The following RBM33 variants were observed in gnomAD, a reference collection of about 807,000 sequenced individuals.
RBM33 encodes RNA-binding protein 33.
In RBM33, 28 loss-of-function variants were observed where a neutral mutation model predicts 132.6. The ratio of observed to expected loss-of-function variants is 0.21; its 90% CI spans 0.16 to 0.29. The LOEUF (loss-of-function observed/expected upper bound fraction) is 0.29, where lower values mean the gene tolerates loss of function less well. Among genes scored for constraint, RBM33 ranks in the 10% least tolerant of loss-of-function variants. The probability of loss-of-function intolerance (pLI) is 1.00; values close to 1 mark genes in which losing one functional copy is unlikely to be tolerated. For synonymous variants in RBM33, 634 were observed against 593.0 expected (o/e 1.07, Z -1.01); for missense variants, 1,291 against 1,518.5 (o/e 0.85, Z 2.49).
intron 16 of RBM33, among the ~76,000 whole-genome samples, chr7:155,772,698 A>G (rs561339482): frequency 6.6e-6 from 1 of 152,242 alleles, no homozygotes; most frequent in African/African-American, 2.4e-5. Flanking sequence ...TGTTTCAGAA[A>G]AAAACAGACC....
intron 9 of RBM33, among the ~76,000 whole-genome samples, chr7:155,723,603 A>G (rs1255138430): frequency 6.6e-6 from 1 of 152,236 alleles, no homozygotes; most frequent in African/African-American, 2.4e-5. Context: ...ACACTATGGT[A>G]ACAGCTATTA....
chr7:155,742,195 A>T, intron 13 of RBM33, 89 bp downstream of exon 13: 1 of 1,239,726 alleles, frequency 8.1e-7, no homozygotes, highest in African/African-American at 1.5e-5. Flanking sequence ...TCACTAAGTT[A>T]TTCACAAAAT....
At position 155,741,870 on chromosome 7, in the gene RBM33, A is replaced by G. The variant is rs753297469; in HGVS notation, c.2101A>G (p.Thr701Ala). 5 of 1,614,058 alleles carry G rather than the reference A, an allele frequency of 3.1e-6. No homozygotes were observed. In the Admixed American group the frequency reaches 6.7e-5, roughly 22 times the overall value. The part of the protein sequence containing the change: ...SKRPMQQMQP[T>A]APRNSNLREL... ...GCGGCCCATGCAGCAAATGCAGCCC[A>G]CTGCGCCAAGGAACAGCAATTTGCG... The change falls in exon 13 of 18, where the codon ACT becomes GCT. Residue 701 changes from threonine to alanine, a missense_variant. By Grantham distance (58) the Thr-to-Ala change is moderately conservative. Coordinates refer to ENST00000401878, the MANE Select transcript of RBM33 (RefSeq NM_053043.3).
chr7:155,694,166 A>C (rs1382951616), intron 5 of RBM33, among the ~76,000 whole-genome samples: 2 of 152,190 alleles, frequency 1.3e-5, no homozygotes, highest in African/African-American at 4.8e-5. Context: ...AAAGCAATTA[A>C]TTAATTTTAA....
At chr7:155,650,417 A>G (rs1253032925) in intron 1 of RBM33, among the ~76,000 whole-genome samples, 1 of 152,216 alleles carries the variant, frequency 6.6e-6, no homozygotes, top group Non-Finnish European at 1.5e-5. Context: ...ATCTATTGAT[A>G]GATTTCCAGT....
chr7:155,650,521 C>G (rs528412141), intron 1 of RBM33, among the ~76,000 whole-genome samples: 95 of 151,806 alleles, frequency 6.3e-4, no homozygotes, highest in African/African-American at 2.2e-3. Flanking sequence ...GGATTTATCT[C>G]TGATCATAAG....
At chr7:155,686,819 T>G (rs1173537143) in intron 5 of RBM33, among the ~76,000 whole-genome samples, 1 of 152,236 alleles carries the variant, frequency 6.6e-6, no homozygotes, top group Non-Finnish European at 1.5e-5. Context: ...TCATCCTTTT[T>G]TATGGCTGCA....
intron 1 of RBM33, among the ~76,000 whole-genome samples, chr7:155,658,669 G>GAT (rs983400929): frequency 6.6e-6 from 1 of 152,164 alleles, no homozygotes; most frequent in African/African-American, 2.4e-5. Context: ...AAAGTGCTGG[G>GAT]ATTATAGGCG....
rs58449648 is a variant in RBM33, at chr7:155,759,415, C to CTTTTTT, written c.2980-4382_2980-4377dup. Among the ~76,000 whole-genome samples the CTTTTTT allele has an allele frequency of 3.3e-3, 374 of 113,964 alleles. 7 individuals are homozygous for CTTTTTT. The highest frequency in any genetic ancestry group is 0.014 in the Admixed American group (153 of 11,198). 74.8% of individuals were successfully genotyped at this position (113,964 alleles called of 152,430 possible). Reference sequence around the variant, plus strand: ...TATTTATTGACTCAATGTTTATGTTCTTTTTTTTTTTTTTTTTTTTGAGAT... The same window carrying CTTTTTT: ...TATTTATTGACTCAATGTTTATGTTCTTTTTTTTTTTTTTTTTTTTTTTTTTGAGAT... On this transcript the variant is annotated intron_variant, in intron 14 of 17. Transcript: ENST00000401878.
chr7:155,720,419 C>T (rs931276596), intron 9 of RBM33, among the ~76,000 whole-genome samples: 2 of 152,068 alleles, frequency 1.3e-5, no homozygotes, highest in African/African-American at 4.8e-5. Context: ...TTAAAAAGCC[C>T]ACCAGTCTTG....
chr7:155,763,386 G>A (rs1196085054), intron 14 of RBM33, among the ~76,000 whole-genome samples: 1 of 152,220 alleles, frequency 6.6e-6, no homozygotes, highest in Non-Finnish European at 1.5e-5. Flanking sequence ...CTTAGGGTAG[G>A]TTGGAATAGG....
intron 9 of RBM33, among the ~76,000 whole-genome samples, chr7:155,722,856 C>T (rs769382575): frequency 6.6e-6 from 1 of 152,112 alleles, no homozygotes; most frequent in East Asian, 1.9e-4. Context: ...ACTATTCAGT[C>T]CTTTGATTTT....
chr7:155,731,660 G>C (rs1800960173), intron 9 of RBM33, among the ~76,000 whole-genome samples: 1 of 152,064 alleles, frequency 6.6e-6, no homozygotes, highest in Non-Finnish European at 1.5e-5. Context: ...ACTCAGAAAG[G>C]TGTATGGTGT....
intron 15 of RBM33, among the ~76,000 whole-genome samples, chr7:155,765,282 A>G (rs938502053): frequency 6.6e-6 from 1 of 152,228 alleles, no homozygotes; most frequent in Non-Finnish European, 1.5e-5. Flanking sequence ...AACTTACTCT[A>G]GTTAGAACAG....
At chr7:155,725,807 A>T (rs964935012) in intron 9 of RBM33, among the ~76,000 whole-genome samples, 3 of 152,152 alleles carry the variant, frequency 2.0e-5, no homozygotes, top group Admixed American at 6.5e-5. Context: ...ATTTAAATTC[A>T]TGTGGTGTTT....
chr7:155,767,138 T>C (rs1266144281), intron 16 of RBM33, among the ~76,000 whole-genome samples: 1 of 152,266 alleles, frequency 6.6e-6, no homozygotes, highest in East Asian at 1.9e-4. Context: ...TAAAGCTGGC[T>C]AACTCTAATG....
At chr7:155,673,945 T>TGTTTTTTTTTTTG (rs1563138321) in intron 3 of RBM33, among the ~76,000 whole-genome samples, 3 of 88,482 alleles carry the variant, frequency 3.4e-5, no homozygotes, top group Non-Finnish European at 4.4e-5. Flanking sequence ...GCTTAGTTTT[T>TGTTTTTTTTTTTG]TTTTTTTTTT....
chr7:155,757,848 G>A (rs1375800939), intron 14 of RBM33, among the ~76,000 whole-genome samples: 5 of 133,554 alleles, frequency 3.7e-5, no homozygotes, highest in Admixed American at 8.7e-5. Context: ...GGGAGCAGGC[G>A]CATTTCATGG....
At chr7:155,707,322 A>T in intron 7 of RBM33, 1 of 607,588 alleles carries the variant, frequency 1.6e-6, no homozygotes. Flanking sequence ...TTAATGAGCG[A>T]CCTGATGCCC....
Sources: allele counts gnomAD v4.1 joint callset (sites outside exome capture counted in the v4.1 genomes callset), GRCh38; gene constraint gnomAD v4.1.1; transcripts MANE v1.5; gene names NCBI Gene and HGNC (gene_info 2026-07-23, HGNC 2026-07-21).